The following GRIK1 variants were observed in gnomAD, a reference collection of about 807,000 sequenced individuals.
GRIK1 encodes glutamate receptor ionotropic, kainate 1.
A neutral mutation model predicts 105.7 loss-of-function variants in GRIK1; 69 were observed. The ratio of observed to expected loss-of-function variants is 0.65; its 90% CI spans 0.54 to 0.80. GRIK1 has a LOEUF of 0.80. GRIK1 is among the 30% of genes least tolerant of loss of function. The pLI is 0.00. For missense variants in GRIK1, 1,109 were observed against 1,167.3 expected, an observed-to-expected ratio of 0.95 and a Z score of 0.73; for synonymous variants, 438 against 431.3, an observed-to-expected ratio of 1.02 and a Z score of -0.19.
chr21:29,887,240 C>T (rs2069662938), intron 1 of GRIK1, among the ~76,000 whole-genome samples: 1 of 152,074 alleles, frequency 6.6e-6, no homozygotes, highest in Non-Finnish European at 1.5e-5. Flanking sequence ...TTGTTGCATC[C>T]CAAAAATTTT....
rs141724493 is a variant in GRIK1 at position 29,605,162 on chromosome 21, G to A, written c.1099-6225C>T. Among the ~76,000 whole-genome samples, 425 of 152,088 alleles carry A rather than the reference G, an allele frequency of 2.8e-3. 3 individuals carry two copies. Among genetic ancestry groups the A allele is most frequent in the African/African-American group, 9.6e-3 (397 of 41,486 alleles). On this transcript the variant is annotated intron_variant, in intron 7 of 17. Coordinates refer to ENST00000327783, the MANE Select transcript of GRIK1 (RefSeq NM_001330994.2). ...GTTTTGCTTCACAGATCATCCCATC[G>A]CCTAAGTATTAAGCCCAGCATCCAT...
intron 1 of GRIK1, among the ~76,000 whole-genome samples, chr21:29,851,254 C>T (rs1013295311): frequency 6.6e-6 from 1 of 152,034 alleles, no homozygotes; most frequent in African/African-American, 2.4e-5. Context: ...AGGGTTTCAC[C>T]ACGTTGGCCA....
At chr21:29,755,762 A>G (rs751862444) in intron 1 of GRIK1, among the ~76,000 whole-genome samples, 1 of 152,318 alleles carries the variant, frequency 6.6e-6, no homozygotes, top group Non-Finnish European at 1.5e-5. Context: ...AAACAGGACT[A>G]TTAGATAAAA....
intron 1 of GRIK1, among the ~76,000 whole-genome samples, chr21:29,822,279 C>T (rs1020201876): frequency 6.6e-6 from 1 of 151,942 alleles, no homozygotes; most frequent in East Asian, 1.9e-4. Flanking sequence ...ACTTTATTTA[C>T]AAAAACTGGG....
At chr21:29,674,063 T>G (rs990153303) in intron 3 of GRIK1, among the ~76,000 whole-genome samples, 21 of 110,848 alleles carry the variant, frequency 1.9e-4, no homozygotes, top group South Asian at 5.6e-4. Context: ...AAAAATTGAG[T>G]TTTTTTTTTT....
At chr21:29,600,405 G>A (rs896883410) in intron 7 of GRIK1, among the ~76,000 whole-genome samples, 7 of 152,078 alleles carry the variant, frequency 4.6e-5, no homozygotes, top group African/African-American at 1.7e-4. Flanking sequence ...AAAAAGCGGT[G>A]GCCCTTGGGA....
chr21:29,837,772 A>G (rs1463446351), intron 1 of GRIK1, among the ~76,000 whole-genome samples: 2 of 152,212 alleles, frequency 1.3e-5, no homozygotes, highest in African/African-American at 4.8e-5. Context: ...CTTACCGTTT[A>G]GTAAACAGTG....
chr21:29,821,105 A>G (rs1440936605), intron 1 of GRIK1, among the ~76,000 whole-genome samples: 1 of 151,922 alleles, frequency 6.6e-6, no homozygotes, highest in Non-Finnish European at 1.5e-5. Context: ...CCCAAAACTT[A>G]ACTCCTAACA....
chr21:29,572,239 A>T (rs751563980), intron 14 of GRIK1, among the ~76,000 whole-genome samples: 1 of 152,078 alleles, frequency 6.6e-6, no homozygotes, highest in Non-Finnish European at 1.5e-5. Flanking sequence ...ACGCTTTCTG[A>T]CAGCTTACCA....
intron 7 of GRIK1, among the ~76,000 whole-genome samples, chr21:29,632,693 C>A (rs1301458259): frequency 6.6e-6 from 1 of 152,018 alleles, no homozygotes; most frequent in Non-Finnish European, 1.5e-5. Context: ...ATTCTTTAAT[C>A]AATGTGGGGT....
chr21:29,551,551 T>C (rs1016761070), intron 16 of GRIK1, among the ~76,000 whole-genome samples: 1 of 152,180 alleles, frequency 6.6e-6, no homozygotes, highest in Admixed American at 6.5e-5. Context: ...TCAAATGTAA[T>C]GTATGTGAAA....
intron 1 of GRIK1, among the ~76,000 whole-genome samples, chr21:29,795,873 G>A (rs1025726852): frequency 1.3e-5 from 2 of 151,912 alleles, no homozygotes; most frequent in African/African-American, 4.8e-5. Flanking sequence ...TTTTCTGCTT[G>A]TAAGTCTGTC....
rs1335228431 is a variant in GRIK1, at chr21:29,620,790, T to G, written c.1099-21853A>C. On this transcript the variant is annotated intron_variant, in intron 7 of 17. Transcript: ENST00000327783. ...AAAGTCATATATATATAGATATATA[T>G]ATCTATATATATATAGATATATATA... Among the ~76,000 whole-genome samples the G allele has an allele frequency of 4.1e-4, 47 of 113,584 alleles. 1 individual carries two copies. The highest frequency in any genetic ancestry group is 1.9e-3 in the African/African-American group (41 of 21,144). 74.5% of individuals were successfully genotyped at this position (113,584 alleles called of 152,430 possible).
rs562064758 is a variant in GRIK1, at chr21:29,765,927, T to C, written c.119-71864A>G. 2.4e-4 allele frequency among the ~76,000 whole-genome samples: 36 copies of C among 151,870 alleles called. No homozygotes were observed. In the South Asian group the frequency reaches 3.8e-3, roughly 16 times the overall value. ...AGTGCAGTGGCGCGATCTCGGCTCA[T>C]TGCAAGTTCCACCTCCCGGGTTCAC... On this transcript the variant is annotated intron_variant, in intron 1 of 17. Coordinates refer to ENST00000327783, the MANE Select transcript of GRIK1 (RefSeq NM_001330994.2).
intron 1 of GRIK1, among the ~76,000 whole-genome samples, chr21:29,809,145 T>C (rs1438119682): frequency 6.6e-6 from 1 of 152,184 alleles, no homozygotes; most frequent in Non-Finnish European, 1.5e-5. Flanking sequence ...AAAAGCATTG[T>C]AATTTTATCT....
intron 9 of GRIK1, 123 bp downstream of exon 9, chr21:29,596,403 A>G (rs1316970443): frequency 1.3e-6 from 1 of 783,276 alleles, no homozygotes; most frequent in Non-Finnish European, 2.4e-6. Flanking sequence ...TTTACATGGA[A>G]CTTCCCTTCT....
intron 1 of GRIK1, among the ~76,000 whole-genome samples, chr21:29,933,616 T>C (rs1228442219): frequency 6.7e-6 from 1 of 149,968 alleles, no homozygotes; most frequent in Non-Finnish European, 1.5e-5. Context: ...TTCATTAACA[T>C]AGAGAGAGAG....
chr21:29,765,826 G>A (rs776066380), intron 1 of GRIK1, among the ~76,000 whole-genome samples: 40 of 151,518 alleles, frequency 2.6e-4, no homozygotes, highest in African/African-American at 9.4e-4. Context: ...TACTGTTCTT[G>A]TCAGCTTAAA....
At chr21:29,840,766 C>T (rs1486201719) in intron 1 of GRIK1, among the ~76,000 whole-genome samples, 1 of 152,032 alleles carries the variant, frequency 6.6e-6, no homozygotes, top group Non-Finnish European at 1.5e-5. Context: ...ATCAACATAA[C>T]TCTCAATGCA....
Sources: gnomAD v4.1 joint callset for allele counts (sites outside exome capture counted in the v4.1 genomes callset) on GRCh38, gnomAD v4.1.1 for gene constraint, MANE v1.5 for transcripts, NCBI Gene and HGNC (gene_info 2026-07-23, HGNC 2026-07-21) for gene names.